MAP3K19: variants seen among roughly 807,000 people sequenced by gnomAD.
The protein encoded by MAP3K19 is SPS1/STE20-related protein kinase YSK4.
A neutral mutation model predicts 114.4 loss-of-function variants in MAP3K19; 91 were observed. The observed-to-expected ratio is 0.80, with a 90% CI of 0.67 to 0.95. The LOEUF (loss-of-function observed/expected upper bound fraction) is 0.95, where lower values mean the gene tolerates loss of function less well. Ranked by LOEUF, MAP3K19 falls within the 40% of genes least tolerant of loss-of-function variation. The probability of loss-of-function intolerance (pLI) is 0.00; values close to 1 mark genes in which losing one functional copy is unlikely to be tolerated. For synonymous variants in MAP3K19, 518 were observed against 530.5 expected (o/e 0.98, Z 0.32); for missense variants, 1,471 against 1,573.2 (o/e 0.94, Z 1.10).
chr2:134,997,924 G>A (rs141294608), intron 8 of MAP3K19, among the ~76,000 whole-genome samples: 5 of 151,644 alleles, frequency 3.3e-5, no homozygotes, highest in Non-Finnish European at 7.4e-5. Context: ...TTGGTAGGAT[G>A]TGTCACAGCT....
intron 3 of MAP3K19, among the ~76,000 whole-genome samples, chr2:135,029,767 A>G (rs1328210335): frequency 6.6e-6 from 1 of 152,238 alleles, no homozygotes; most frequent in East Asian, 1.9e-4. Flanking sequence ...GGTTATGCAT[A>G]TGATTTTGCA....
At chr2:135,009,134 T>G (rs1687039746) in intron 5 of MAP3K19, among the ~76,000 whole-genome samples, 1 of 141,392 alleles carries the variant, frequency 7.1e-6, no homozygotes, top group Admixed American at 7.1e-5. Flanking sequence ...TTTTTTTTTT[T>G]TTGTATTTTT....
intron 5 of MAP3K19, among the ~76,000 whole-genome samples, chr2:135,017,090 G>C (rs561721644): frequency 6.6e-6 from 1 of 151,980 alleles, no homozygotes; most frequent in South Asian, 2.1e-4. Context: ...TTTCATATTG[G>C]AGGCTTTCCT....
chr2:135,005,494 A>G lies in MAP3K19; in HGVS notation c.176T>C (p.Leu59Pro). The change falls in exon 6 of 13, where the codon CTG (leucine) becomes CCG (proline). Residue 59 changes from leucine (L) to proline (P), a missense_variant. Coordinates refer to ENST00000392915, the MANE Select transcript of MAP3K19 (RefSeq NM_025052.5). ...ACTGGGATCTTCTTCTTCATTAACC[A>G]GTGTGGAATGACTGCAGTCACCATC... ...DQDGDCSHST[L>P]VNEEEDPSGG... is the part of the protein sequence containing the mutation. 1.2e-6 allele frequency: 2 copies of G among 1,614,120 alleles called. No individual in the cohort carries two copies. The highest frequency in any genetic ancestry group is 1.7e-6 in the Non-Finnish European group (2 of 1,179,984).
At chr2:134,966,469 A>G (rs1559129892) in intron 12 of MAP3K19, among the ~76,000 whole-genome samples, 1 of 152,144 alleles carries the variant, frequency 6.6e-6, no homozygotes. Flanking sequence ...AAAGATGAAA[A>G]TTAAAGCAGT....
At chr2:134,984,877 A>G (rs1684983216) in intron 10 of MAP3K19, among the ~76,000 whole-genome samples, 1 of 152,278 alleles carries the variant, frequency 6.6e-6, no homozygotes, top group African/African-American at 2.4e-5. Flanking sequence ...GCTTTAACCC[A>G]GGAGGTGGAG....
At chr2:135,033,446 C>A (rs1407189054) in intron 2 of MAP3K19, among the ~76,000 whole-genome samples, 2 of 107,080 alleles carry the variant, frequency 1.9e-5, no homozygotes, top group Non-Finnish European at 3.5e-5. Flanking sequence ...TAGGGGCGGT[C>A]GGGCAGAGGC....
chr2:134,982,352 C>CTT (rs10707203), intron 11 of MAP3K19, among the ~76,000 whole-genome samples: 7 of 99,978 alleles, frequency 7.0e-5, no homozygotes, highest in Non-Finnish European at 1.1e-4. Flanking sequence ...AGATTTTTTT[C>CTT]TTTTTTTTTT....
At position 134,981,369 on chromosome 2, in the gene MAP3K19, C is replaced by T. The variant is rs1157473914; in HGVS notation, c.3372G>A (p.Val1124=). Residue 1124 remains valine, a synonymous_variant, in exon 12 of 13, where the codon GTG becomes GTA. Transcript: ENST00000392915. ...CTTGCAAGCATGTCCCCAAATAGGCCACAATGTTGACATGTTTCAGTGCTT... is the reference window on the plus strand; with the variant it reads ...CTTGCAAGCATGTCCCCAAATAGGCTACAATGTTGACATGTTTCAGTGCTT... ...LLKALKHVNI[V]AYLGTCLQEN... 1 of 1,614,072 alleles carries T rather than the reference C, an allele frequency of 6.2e-7. No homozygotes were observed. The highest frequency in any genetic ancestry group is 1.7e-5 in the Admixed American group (1 of 60,000).
In MAP3K19 at chr2:134,987,482, T is replaced by C. The variant is rs754025959; in HGVS notation, c.1390A>G (p.Thr464Ala). ...KLPEGCSSME[T>A]NIKISIAERA... ...TCTGCTATTGATATTTTTATGTTTG[T>C]CTCCATGCTGCTACAACCTTCTGGG... is the stretch of plus-strand genomic sequence containing the variant. The change falls in exon 10 of 13, where the codon ACA (threonine) becomes GCA (alanine). Residue 464 changes from threonine to alanine, a missense_variant. Thr to Ala is a moderately conservative substitution (Grantham distance 58, BLOSUM62 0). Coordinates refer to ENST00000392915, the MANE Select transcript of MAP3K19 (RefSeq NM_025052.5). The C allele has an allele frequency of 6.2e-7, 1 of 1,614,190 alleles. No homozygotes were observed.
intron 4 of MAP3K19, chr2:135,023,670 G>A (rs1440686433): frequency 4.6e-6 from 2 of 438,778 alleles, no homozygotes; most frequent in Non-Finnish European, 9.4e-6. Context: ...CTTTCACAAT[G>A]TCTCCTAGAC....
intron 2 of MAP3K19, among the ~76,000 whole-genome samples, chr2:135,036,779 G>T (rs1026210131): frequency 1.3e-5 from 2 of 151,840 alleles, no homozygotes; most frequent in African/African-American, 4.8e-5. Flanking sequence ...CTGGATAGAA[G>T]TTGCCAGAGA....
chr2:135,042,069 C>A (rs1212113884), intron 1 of MAP3K19, among the ~76,000 whole-genome samples: 1 of 152,076 alleles, frequency 6.6e-6, no homozygotes, highest in African/African-American at 2.4e-5. Context: ...TTGACCAGTC[C>A]CAATAAACAT....
Position 134,964,799 on chromosome 2 carries a change from TAAGC to T in MAP3K19, c.*47_*50del. The T allele has an allele frequency of 7.0e-7, 1 of 1,431,662 alleles. No individual in the cohort carries two copies. The highest frequency in any genetic ancestry group is 9.8e-7 in the Non-Finnish European group (1 of 1,019,364). 88.7% of individuals were successfully genotyped at this position (1,431,662 alleles called of 1,614,324 possible). ...TCCCTTAGCCATCATTCCCCACAAT[TAAGC>T]AAGGGAGCATCTGCAGTGGAACTGG... On this transcript the variant is annotated 3_prime_UTR_variant, in exon 13 of 13. Coordinates refer to ENST00000392915, the MANE Select transcript of MAP3K19 (RefSeq NM_025052.5).
At chr2:135,019,682 T>G (rs1020259895) in intron 5 of MAP3K19, among the ~76,000 whole-genome samples, 3 of 152,230 alleles carry the variant, frequency 2.0e-5, no homozygotes, top group Non-Finnish European at 4.4e-5. Flanking sequence ...TGGACTTTTT[T>G]TTTTAACCAA....
intron 12 of MAP3K19, among the ~76,000 whole-genome samples, chr2:134,968,211 G>A (rs1331237323): frequency 6.6e-6 from 1 of 152,090 alleles, no homozygotes; most frequent in Non-Finnish European, 1.5e-5. Flanking sequence ...CAAGGCAGAA[G>A]AATTTTTCTT....
chr2:135,027,334 AAAG>A, intron 3 of MAP3K19, among the ~76,000 whole-genome samples: 1 of 85,974 alleles, frequency 1.2e-5, no homozygotes, highest in African/African-American at 8.8e-5. Context: ...AGAAATAAAG[AAAG>A]AAAGAAAGAA....
Position 134,980,977 on chromosome 2 carries a change from C to T in MAP3K19, c.3764G>A (p.Cys1255Tyr). 1 of 1,614,208 alleles carries T rather than the reference C, an allele frequency of 6.2e-7. No homozygotes were observed. The highest frequency in any genetic ancestry group is 8.5e-7 in the Non-Finnish European group (1 of 1,180,030). ...GRKSDIWSIGCTVFEMATGKP... is the reference protein window; with the variant it reads ...GRKSDIWSIGYTVFEMATGKP... ...CCCTGTAGCCATCTCAAACACAGTACAACCAATGCTCCAGATATCTGATTT... is the reference window on the plus strand; with the variant it reads ...CCCTGTAGCCATCTCAAACACAGTATAACCAATGCTCCAGATATCTGATTT... Residue 1255 changes from cysteine (C) to tyrosine (Y), a missense_variant, in exon 12 of 13, where the codon TGT becomes TAT. By Grantham distance (194) the Cys-to-Tyr change is radical. Coordinates refer to ENST00000392915, the MANE Select transcript of MAP3K19 (RefSeq NM_025052.5).
chr2:135,032,700 A>C (rs989705479), intron 2 of MAP3K19, among the ~76,000 whole-genome samples: 1 of 145,676 alleles, frequency 6.9e-6, no homozygotes, highest in Non-Finnish European at 1.5e-5. Context: ...AGTGGAGGGA[A>C]GGTCAGCAGA....
Sources: gnomAD v4.1 joint callset for allele counts (sites outside exome capture counted in the v4.1 genomes callset) on GRCh38, gnomAD v4.1.1 for gene constraint, MANE v1.5 for transcripts, NCBI Gene and HGNC (gene_info 2026-07-23, HGNC 2026-07-21) for gene names.